Variants in YTHDC1 observed in about 807,000 individuals in gnomAD.
The protein encoded by YTHDC1 is YTH domain-containing protein 1.
Under a neutral mutation model 107.0 loss-of-function variants are expected in YTHDC1, and 12 were observed. The ratio of observed to expected loss-of-function variants is 0.11; its 90% CI spans 0.07 to 0.18. YTHDC1 has a LOEUF of 0.18. Among genes scored for constraint, YTHDC1 ranks in the 10% least tolerant of loss-of-function variants. The probability of loss-of-function intolerance (pLI) is 1.00; values close to 1 mark genes in which losing one functional copy is unlikely to be tolerated. For synonymous variants in YTHDC1, 280 were observed against 289.5 expected (o/e 0.97, Z 0.33); for missense variants, 635 against 898.8 (o/e 0.71, Z 3.75).
intron 1 of YTHDC1, among the ~76,000 whole-genome samples, chr4:68,348,869 A>T (rs1258317358): frequency 6.6e-6 from 1 of 152,228 alleles, no homozygotes; most frequent in East Asian, 1.9e-4. Flanking sequence ...GTTGAAAAAG[A>T]TCTTAAAGCA....
At chr4:68,349,630 A>AGG in intron 1 of YTHDC1, 96 bp downstream of exon 1, 3 of 153,366 alleles carry the variant, frequency 2.0e-5, no homozygotes, top group South Asian at 4.4e-5. Context: ...TAACCTCCCC[A>AGG]ACCCCCACCC....
In YTHDC1 at chr4:68,311,412, A is replaced by C. The variant is rs571574949; in HGVS notation, c.*2687T>G. 5 of 152,280 alleles carry C rather than the reference A, an allele frequency of 3.3e-5. No homozygotes were observed. The South Asian group carries it at 1.0e-3, about 32-fold the overall frequency. The allele number at this position is 152,280 out of a possible 1,614,324, so 9.4% of individuals were successfully genotyped here. ...TCCAGCCAATAAAATCCCTGACCGG[A>C]TTTCTAAACTCGGAATGACTGAATT... is the stretch of plus-strand genomic sequence containing the variant. On this transcript the variant is annotated 3_prime_UTR_variant, in exon 17 of 17. Transcript: ENST00000344157.
intron 1 of YTHDC1, among the ~76,000 whole-genome samples, chr4:68,344,963 C>T (rs1329685074): frequency 6.6e-6 from 1 of 152,054 alleles, no homozygotes; most frequent in East Asian, 1.9e-4. Flanking sequence ...TCTGGGAGGT[C>T]GCGGCTGCAG....
chr4:68,323,330 A>G (rs1730872), intron 10 of YTHDC1, among the ~76,000 whole-genome samples: 124,334 of 152,248 alleles, frequency 0.82, 51,127 homozygotes, highest in East Asian at 0.97. Context: ...TAGATTTACC[A>G]CAAAGGCAGA....
In YTHDC1 at chr4:68,338,392, TAAAATTA is replaced by T; in HGVS notation, c.29-15_29-9del. 6.4e-7 allele frequency: 1 copy of T among 1,571,682 alleles called. No individual in the cohort carries two copies. The highest frequency in any genetic ancestry group is 8.6e-7 in the Non-Finnish European group (1 of 1,159,738). ...GAACATTAAGTTCTCCATCTGCAAA[TAAAATTA>T]AAAATTAATAGGGAAAAATCACTAT... On this transcript the variant is annotated splice_polypyrimidine_tract_variant and intron_variant, in intron 1 of 16. Coordinates refer to ENST00000344157, the MANE Select transcript of YTHDC1 (RefSeq NM_001031732.4).
rs1442935126 is a variant in YTHDC1 at position 68,314,023 on chromosome 4, A to G, written c.*76T>C. The G allele has an allele frequency of 2.1e-6, 3 of 1,425,296 alleles. No homozygotes were observed. Among genetic ancestry groups the G allele is most frequent in the Non-Finnish European group, 2.9e-6 (3 of 1,032,150 alleles). 88.3% of individuals were successfully genotyped at this position (1,425,296 alleles called of 1,614,324 possible). On this transcript the variant is annotated 3_prime_UTR_variant, in exon 17 of 17. Coordinates refer to ENST00000344157, the MANE Select transcript of YTHDC1 (RefSeq NM_001031732.4). Reference sequence around the variant, plus strand: ...TAGGCAGACAGCTGAAAATAAATTTACTACTTGTAAACACACACAAAAAAA... The same window carrying G: ...TAGGCAGACAGCTGAAAATAAATTTGCTACTTGTAAACACACACAAAAAAA...
At chr4:68,346,216 G>T (rs1349390163) in intron 1 of YTHDC1, among the ~76,000 whole-genome samples, 1 of 151,782 alleles carries the variant, frequency 6.6e-6, no homozygotes, top group African/African-American at 2.4e-5. Context: ...GGGAGTTCAA[G>T]ACAATCCTGG....
intron 1 of YTHDC1, among the ~76,000 whole-genome samples, chr4:68,347,898 T>C (rs1464758285): frequency 6.6e-6 from 1 of 152,194 alleles, no homozygotes; most frequent in Admixed American, 6.5e-5. Context: ...AGTAGGTAAG[T>C]GCTAGTTCTC....
rs553240754 is a variant in YTHDC1 at position 68,322,003 on chromosome 4, T to C, written c.1601+746A>G. On this transcript the variant is annotated intron_variant, in intron 11 of 16. Coordinates refer to ENST00000344157, the MANE Select transcript of YTHDC1 (RefSeq NM_001031732.4). The surrounding 1 kb of genome is among the most constrained non-coding windows in gnomAD (Gnocchi z 4.8). ...CCATGGCGATCCTCTAAAAAACACT[T>C]TTAAGTCCACAGGTACTGCCAGCAT... Among the ~76,000 whole-genome samples, 1 of 152,266 alleles carries C rather than the reference T, an allele frequency of 6.6e-6. No individual in the cohort carries two copies. Among genetic ancestry groups the C allele is most frequent in the Admixed American group, 6.5e-5 (1 of 15,292 alleles).
intron 2 of YTHDC1, 151 bp from the exon 3 acceptor site, chr4:68,338,051 C>G: frequency 6.9e-7 from 1 of 1,454,446 alleles, no homozygotes; most frequent in Non-Finnish European, 9.0e-7. Flanking sequence ...CAGAGTTAAT[C>G]TAAAAGAAAA....
chr4:68,324,462 C>A (rs1222746888), intron 9 of YTHDC1, among the ~76,000 whole-genome samples: 2 of 152,168 alleles, frequency 1.3e-5, no homozygotes, highest in Admixed American at 6.5e-5. Flanking sequence ...GGGGCTTAAA[C>A]CCCAGCCTGC....
intron 7 of YTHDC1, 70 bp from the exon 8 acceptor site, chr4:68,330,380 A>C (rs916700997): frequency 1.9e-6 from 2 of 1,039,606 alleles, no homozygotes; most frequent in African/African-American, 3.2e-5. Flanking sequence ...GTTATGTTTG[A>C]AAAAAAACTA....
At chr4:68,332,709 A>G (rs1267669141) in intron 6 of YTHDC1, 85 bp downstream of exon 6, 1 of 1,229,920 alleles carries the variant, frequency 8.1e-7, no homozygotes, top group African/African-American at 1.5e-5. Flanking sequence ...TTACTACATT[A>G]AAAGCAGCTA....
At chr4:68,324,635 G>A (rs1722788084) in intron 9 of YTHDC1, among the ~76,000 whole-genome samples, 1 of 152,128 alleles carries the variant, frequency 6.6e-6, no homozygotes, top group Non-Finnish European at 1.5e-5. Context: ...AAAAGAAGCT[G>A]GACCTTAACC....
At chr4:68,321,331 A>C (rs751559717) in intron 11 of YTHDC1, among the ~76,000 whole-genome samples, 1 of 152,196 alleles carries the variant, frequency 6.6e-6, no homozygotes, top group Non-Finnish European at 1.5e-5. Flanking sequence ...ACAATAAATA[A>C]TACTAAGAAA....
intron 15 of YTHDC1, among the ~76,000 whole-genome samples, chr4:68,318,282 A>G (rs1015617757): frequency 2.6e-5 from 4 of 152,110 alleles, no homozygotes; most frequent in African/African-American, 9.7e-5. Flanking sequence ...TTGTATTTTT[A>G]GTAGAGACAA....
chr4:68,333,334 C>G lies in YTHDC1; in HGVS notation c.947G>C (p.Gly316Ala). The change falls in exon 5 of 17, where the codon GGA becomes GCA. Residue 316 changes from glycine (G) to alanine (A), a missense_variant. This residue lies in a region of YTHDC1 where 60 missense variants were observed against 172.0 expected (regional missense o/e 0.35). Transcript: ENST00000344157. Reference protein sequence around the residue: ...GISPIVFDRSGSSASESYAGS... With the variant: ...GISPIVFDRSASSASESYAGS... ...TGCATATGACTCTGATGCAGAGCTT[C>G]CACTTCTATCAAAAACAATTGGAGA... 6.2e-7 allele frequency: 1 copy of G among 1,612,920 alleles called. No homozygotes were observed. The highest frequency in any genetic ancestry group is 1.1e-5 in the South Asian group (1 of 90,966).
At chr4:68,335,968 G>A (rs1335748695) in intron 4 of YTHDC1, among the ~76,000 whole-genome samples, 1 of 148,652 alleles carries the variant, frequency 6.7e-6, no homozygotes, top group Non-Finnish European at 1.5e-5. Context: ...TATACTGTAT[G>A]TAGTATAGAT....
intron 1 of YTHDC1, 118 bp downstream of exon 1, chr4:68,349,608 C>T (rs1347597650): frequency 3.2e-6 from 4 of 1,247,502 alleles, no homozygotes; most frequent in Non-Finnish European, 3.3e-6. Flanking sequence ...ACCGGCTCCT[C>T]GCGAGGCCAG....
Sources: allele counts gnomAD v4.1 joint callset (sites outside exome capture counted in the v4.1 genomes callset), GRCh38; gene constraint gnomAD v4.1.1; regional missense constraint gnomAD v4.1.1; non-coding constraint Gnocchi (gnomAD v3.1); transcripts MANE v1.5; gene names NCBI Gene and HGNC (gene_info 2026-07-23, HGNC 2026-07-21).